Variants in ITSN1 observed in about 807,000 individuals in gnomAD.
The protein encoded by ITSN1 is intersectin 1, also known as intersectin-1.
Under a neutral mutation model 239.8 loss-of-function variants are expected in ITSN1, and 58 were observed. The ratio of observed to expected loss-of-function variants is 0.24; its 90% confidence interval spans 0.20 to 0.30. The LOEUF (loss-of-function observed/expected upper bound fraction) is 0.30, where lower values mean the gene tolerates loss of function less well. Ranked by LOEUF, ITSN1 falls within the 10% of genes least tolerant of loss-of-function variation. The probability of loss-of-function intolerance (pLI) is 1.00; values close to 1 mark genes in which losing one functional copy is unlikely to be tolerated. For synonymous variants in ITSN1, 780 were observed against 770.8 expected (o/e 1.01, Z -0.20); for missense variants, 1,558 against 2,103.3 (o/e 0.74, Z 5.07).
chr21:33,848,842 C>A (rs2075067546), intron 29 of ITSN1, among the ~76,000 whole-genome samples: 1 of 152,214 alleles, frequency 6.6e-6, no homozygotes, highest in African/African-American at 2.4e-5. Context: ...CGCTGCCTGC[C>A]CCCTCACCAC....
chr21:33,843,659 A>G (rs1410764681), intron 29 of ITSN1, among the ~76,000 whole-genome samples: 1 of 152,154 alleles, frequency 6.6e-6, no homozygotes, highest in South Asian at 2.1e-4. Context: ...CCACCTGCCT[A>G]TAGGAAGATA....
At chr21:33,813,444 C>T (rs1459239577) in intron 21 of ITSN1, among the ~76,000 whole-genome samples, 3 of 152,024 alleles carry the variant, frequency 2.0e-5, no homozygotes, top group Non-Finnish European at 4.4e-5. Flanking sequence ...CCTCTGCCTC[C>T]GAGGTTGAAG....
At chr21:33,800,686 T>A (rs118126472) in intron 19 of ITSN1, among the ~76,000 whole-genome samples, 5,931 of 152,242 alleles carry the variant, frequency 0.039, 151 homozygotes, top group Non-Finnish European at 0.062. Context: ...AAATCAGACA[T>A]GGTTGATCTA....
intron 16 of ITSN1, among the ~76,000 whole-genome samples, chr21:33,791,472 G>A (rs2071128055): frequency 6.6e-6 from 1 of 152,146 alleles, no homozygotes; most frequent in Non-Finnish European, 1.5e-5. Flanking sequence ...AAAAATTTAA[G>A]TATCTTTTTT....
rs1176641744 is a variant in ITSN1 at position 33,891,796 on chromosome 21, C to T, written c.*3496C>T. 1 of 152,100 alleles carries T rather than the reference C, an allele frequency of 6.6e-6. No individual in the cohort carries two copies. Among genetic ancestry groups the T allele is most frequent in the East Asian group, 1.9e-4 (1 of 5,196 alleles). 9.4% of individuals were successfully genotyped at this position (152,100 alleles called of 1,614,324 possible). A position where few individuals can be genotyped will look rare whatever the true frequency, so the allele number is the denominator to read the frequency against. ...TCTTGGAGTATATTTTAGAGTAGGC[C>T]AGTACCTTGTATAAGCAGAAAAAGA... On this transcript the variant is annotated 3_prime_UTR_variant, in exon 40 of 40. Coordinates refer to ENST00000381318, the MANE Select transcript of ITSN1 (RefSeq NM_003024.3).
At chr21:33,737,935 CACTTTGGGAGGCCG>C (rs1005914361) in intron 5 of ITSN1, among the ~76,000 whole-genome samples, 1 of 152,100 alleles carries the variant, frequency 6.6e-6, no homozygotes, top group Non-Finnish European at 1.5e-5. Flanking sequence ...GTAATCTCAG[CACTTTGGGAGGCCG>C]AGGTGGGCAG....
At chr21:33,650,170 T>A (rs2088380146) in intron 1 of ITSN1, among the ~76,000 whole-genome samples, 1 of 152,218 alleles carries the variant, frequency 6.6e-6, no homozygotes, top group South Asian at 2.1e-4. Flanking sequence ...TCTGTTGCAC[T>A]GGTGAGCATT....
chr21:33,810,795 A>ATTTTTTTT, intron 20 of ITSN1, 180 bp from the exon 21 acceptor site: 1 of 709,022 alleles, frequency 1.4e-6, no homozygotes, highest in African/African-American at 1.8e-5. Flanking sequence ...ATTATAGTGC[A>ATTTTTTTT]TTTTTTTTTT....
chr21:33,758,222 C>T (rs2068056049), intron 8 of ITSN1, among the ~76,000 whole-genome samples: 1 of 152,094 alleles, frequency 6.6e-6, no homozygotes, highest in Admixed American at 6.5e-5. Context: ...TTCCCAGGCT[C>T]GGGGGATCCT....
chr21:33,727,759 G>A (rs1021537977), intron 4 of ITSN1, among the ~76,000 whole-genome samples: 1 of 151,836 alleles, frequency 6.6e-6, no homozygotes, highest in African/African-American at 2.4e-5. Flanking sequence ...CCTGGGCACC[G>A]TGCTTGATTT....
chr21:33,809,343 A>G (rs539887515), intron 20 of ITSN1, among the ~76,000 whole-genome samples: 1 of 152,320 alleles, frequency 6.6e-6, no homozygotes, highest in East Asian at 1.9e-4. Flanking sequence ...AAGATTCCCT[A>G]AAGTGGAGCA....
intron 29 of ITSN1, among the ~76,000 whole-genome samples, chr21:33,848,234 C>G (rs892819793): frequency 6.6e-6 from 1 of 152,188 alleles, no homozygotes; most frequent in Non-Finnish European, 1.5e-5. Context: ...GAAGTGAACA[C>G]GAGGCTGTTA....
intron 20 of ITSN1, 65 bp from the exon 21 acceptor site, chr21:33,810,910 A>G: frequency 6.3e-7 from 1 of 1,584,842 alleles, no homozygotes; most frequent in Non-Finnish European, 8.7e-7. Context: ...ACTTCACTGT[A>G]GTTGGGTGCT....
At chr21:33,792,872 T>A (rs1367367769) in intron 16 of ITSN1, among the ~76,000 whole-genome samples, 2 of 152,092 alleles carry the variant, frequency 1.3e-5, no homozygotes, top group African/African-American at 4.8e-5. Flanking sequence ...AGCCCCTTCT[T>A]CCTTTCTTTT....
At chr21:33,753,655 G>A (rs1464593960) in intron 7 of ITSN1, among the ~76,000 whole-genome samples, 1 of 151,058 alleles carries the variant, frequency 6.6e-6, no homozygotes, top group Non-Finnish European at 1.5e-5. Flanking sequence ...CCAGCTACTC[G>A]GGAGGCTGAG....
chr21:33,773,736 G>A (rs958840641), intron 12 of ITSN1, among the ~76,000 whole-genome samples: 4 of 151,610 alleles, frequency 2.6e-5, no homozygotes, highest in African/African-American at 7.3e-5. Context: ...CTGGAGTGCA[G>A]TGGCACGATC....
rs1047521613 is a variant in ITSN1, at chr21:33,807,734, C to T, written c.2320-3241C>T. 4.6e-5 allele frequency among the ~76,000 whole-genome samples: 7 copies of T among 152,154 alleles called. No individual in the cohort carries two copies. The South Asian group carries it at 1.0e-3, about 23-fold the overall frequency. On this transcript the variant is annotated intron_variant, in intron 20 of 39. Coordinates refer to ENST00000381318, the MANE Select transcript of ITSN1 (RefSeq NM_003024.3). ...TTTGAGGAGGTCCAAAATGAGCAGACGAGTAGGAGTTCCCGTCGATCAAGG... is the reference window on the plus strand; with the variant it reads ...TTTGAGGAGGTCCAAAATGAGCAGATGAGTAGGAGTTCCCGTCGATCAAGG...
chr21:33,756,989 C>G (rs964531174), intron 8 of ITSN1: 1 of 152,222 alleles, frequency 6.6e-6, no homozygotes, highest in African/African-American at 2.4e-5. Context: ...TGGTCTCAAA[C>G]TCCTGACCTC....
chr21:33,750,129 T>G lies in ITSN1; in HGVS notation c.347-14T>G, dbSNP rs978525360. 2 of 1,612,928 alleles carry G rather than the reference T, an allele frequency of 1.2e-6. No individual in the cohort carries two copies. Among genetic ancestry groups the G allele is most frequent in the South Asian group, 2.2e-5 (2 of 90,894 alleles). On this transcript the variant is annotated splice_polypyrimidine_tract_variant and intron_variant, in intron 5 of 39. Transcript: ENST00000381318. Reference sequence around the variant, plus strand: ...ATTGGATGTGAATGGTGTTGAGCTGTTTTTTCTTCATAGGTATGGGAGGTA... The same window carrying G: ...ATTGGATGTGAATGGTGTTGAGCTGGTTTTTCTTCATAGGTATGGGAGGTA...
Sources: allele counts gnomAD v4.1 joint callset (sites outside exome capture counted in the v4.1 genomes callset), GRCh38; gene constraint gnomAD v4.1.1; transcripts MANE v1.5; gene names NCBI Gene and HGNC (gene_info 2026-07-23, HGNC 2026-07-21).